The following TUSC3 variants were observed in gnomAD, a reference collection of about 807,000 sequenced individuals.
The protein encoded by TUSC3 is dolichyl-diphosphooligosaccharide--protein glycosyltransferase subunit TUSC3.
Under a neutral mutation model 44.8 loss-of-function variants are expected in TUSC3, and 45 were observed. The ratio of observed to expected loss-of-function variants is 1.00; its 90% CI spans 0.79 to 1.29. The LOEUF is 1.29. Ranked by LOEUF, TUSC3 falls within the 50% of genes most tolerant of loss-of-function variation. TUSC3 has a pLI of 0.00. For missense variants in TUSC3, 519 were observed against 437.9 expected (o/e 1.19, Z -1.65); for synonymous variants, 212 against 152.9 (o/e 1.39, Z -2.85).
At chr8:15,678,576 GA>G (rs1470679702) in intron 6 of TUSC3, among the ~76,000 whole-genome samples, 1 of 152,100 alleles carries the variant, frequency 6.6e-6, no homozygotes, top group Non-Finnish European at 1.5e-5. Context: ...GAATAAAGTA[GA>G]AAAATGTACG....
chr8:15,841,867 T>G, the TUSC3 span, among the ~76,000 whole-genome samples: 1 of 152,194 alleles, frequency 6.6e-6, no homozygotes, highest in African/African-American at 2.4e-5. Flanking sequence ...TTCACTCCAT[T>G]TAGAATGAAT....
intron 6 of TUSC3, among the ~76,000 whole-genome samples, chr8:15,706,669 C>T (rs192823371): frequency 8.3e-4 from 126 of 151,990 alleles, no homozygotes; most frequent in African/African-American, 2.4e-3. Flanking sequence ...TGTTAATATA[C>T]GAATAAATAT....
intron 1 of TUSC3, among the ~76,000 whole-genome samples, chr8:15,573,324 C>A (rs1181334090): frequency 6.6e-6 from 1 of 150,430 alleles, no homozygotes; most frequent in African/African-American, 2.5e-5. Context: ...GCCTTCCAAT[C>A]CACATCCAGG....
chr8:15,604,985 T>TA (rs1322320603), intron 1 of TUSC3, among the ~76,000 whole-genome samples: 1 of 151,898 alleles, frequency 6.6e-6, no homozygotes, highest in Non-Finnish European at 1.5e-5. Flanking sequence ...AAGAGATACA[T>TA]AAAACTCTGG....
chr8:15,561,054 C>T (rs1345935034), intron 1 of TUSC3, among the ~76,000 whole-genome samples: 3 of 132,736 alleles, frequency 2.3e-5, no homozygotes, highest in Non-Finnish European at 3.2e-5. Context: ...TGAGGAACTG[C>T]GTTCCTTTGG....
At chr8:15,684,432 C>T (rs944221534) in intron 6 of TUSC3, among the ~76,000 whole-genome samples, 3 of 152,128 alleles carry the variant, frequency 2.0e-5, no homozygotes, top group African/African-American at 7.2e-5. Context: ...AGCCTGGCAG[C>T]CCAAGAGGCT....
At chr8:15,423,969 G>GTTTTTTTTTTTT (rs112397215) in intron 1 of TUSC3, among the ~76,000 whole-genome samples, 15 of 70,392 alleles carry the variant, frequency 2.1e-4, no homozygotes, top group East Asian at 5.5e-4. Context: ...GTTTTGCTTT[G>GTTTTTTTTTTTT]TTTTTTTTTT....
At chr8:15,796,246 C>T in the TUSC3 span, among the ~76,000 whole-genome samples, 1 of 152,234 alleles carries the variant, frequency 6.6e-6, no homozygotes, top group South Asian at 2.1e-4. Context: ...CTGCTTACTT[C>T]CAGCTGGTCT....
intron 1 of TUSC3, among the ~76,000 whole-genome samples, chr8:15,555,995 T>G (rs1206283541): frequency 6.6e-6 from 1 of 150,946 alleles, no homozygotes; most frequent in Non-Finnish European, 1.5e-5. Flanking sequence ...TATTTTTTAT[T>G]TTTTTATTTT....
At chr8:15,716,486 T>C (rs1268717594) in intron 6 of TUSC3, among the ~76,000 whole-genome samples, 1 of 152,122 alleles carries the variant, frequency 6.6e-6, no homozygotes, top group Non-Finnish European at 1.5e-5. Context: ...TGGAAGTATA[T>C]TTGATAAAAC....
At chr8:15,527,432 G>T (rs1400010006) in intron 2 of TUSC3, among the ~76,000 whole-genome samples, 2 of 152,124 alleles carry the variant, frequency 1.3e-5, no homozygotes, top group African/African-American at 4.8e-5. Flanking sequence ...GTCCAGGCTG[G>T]TCTCAAACTC....
chr8:15,534,597 C>T (rs1050169928), intron 2 of TUSC3, among the ~76,000 whole-genome samples: 5 of 149,144 alleles, frequency 3.4e-5, no homozygotes, highest in Non-Finnish European at 5.9e-5. Context: ...TGGCCGAGAT[C>T]GCGCCACTGC....
At chr8:15,833,309 C>G in the TUSC3 span, among the ~76,000 whole-genome samples, 1 of 152,158 alleles carries the variant, frequency 6.6e-6, no homozygotes, top group South Asian at 2.1e-4. Flanking sequence ...GGCAATTCCT[C>G]AAAGACCTAA....
intron 7 of TUSC3, among the ~76,000 whole-genome samples, chr8:15,739,721 TTTATTC>T (rs1254573039): frequency 6.6e-6 from 1 of 152,228 alleles, no homozygotes; most frequent in Non-Finnish European, 1.5e-5. Context: ...GAAGAAGATT[TTTATTC>T]TTAGCCTAAA....
chr8:15,831,273 T>A, the TUSC3 span, among the ~76,000 whole-genome samples: 2 of 151,868 alleles, frequency 1.3e-5, no homozygotes, highest in African/African-American at 4.8e-5. Flanking sequence ...GGTCAACAAA[T>A]AGGATAAAAG....
At chr8:15,680,639 G>C (rs906565002) in intron 6 of TUSC3, among the ~76,000 whole-genome samples, 4 of 152,104 alleles carry the variant, frequency 2.6e-5, no homozygotes, top group Non-Finnish European at 5.9e-5. Context: ...AATAGTAGTA[G>C]AGAGTGGACA....
chr8:15,836,574 G>A, the TUSC3 span, among the ~76,000 whole-genome samples: 4,077 of 151,644 alleles, frequency 0.027, 140 homozygotes, highest in East Asian at 0.082. Flanking sequence ...GTCTAAATAC[G>A]TTCTTTAAAA....
chr8:15,765,566 C>T lies in TUSC3; in HGVS notation c.*1410C>T, dbSNP rs1812304727. ...GGGGCATGTTTATCAAGTTATATCC[C>T]AGGGCAATGTGTATGCTAGCAGGAT... On this transcript the variant is annotated 3_prime_UTR_variant, in exon 11 of 11. Transcript: ENST00000503731. 6.6e-6 allele frequency: 1 copy of T among 151,864 alleles called. No homozygotes were observed. Among genetic ancestry groups the T allele is most frequent in the Non-Finnish European group, 1.5e-5 (1 of 67,912 alleles). 9.4% of individuals were successfully genotyped at this position (151,864 alleles called of 1,614,324 possible). A position where few individuals can be genotyped will look rare whatever the true frequency, so the allele number is the denominator to read the frequency against.
At chr8:15,462,381 T>C (rs1054624910) in intron 1 of TUSC3, among the ~76,000 whole-genome samples, 3 of 152,050 alleles carry the variant, frequency 2.0e-5, no homozygotes, top group Non-Finnish European at 4.4e-5. Context: ...AAAGAATATA[T>C]ACAAATGGCC....
Sources: gnomAD v4.1 joint callset for allele counts (sites outside exome capture counted in the v4.1 genomes callset) on GRCh38, gnomAD v4.1.1 for gene constraint, MANE v1.5 for transcripts, NCBI Gene and HGNC (gene_info 2026-07-23, HGNC 2026-07-21) for gene names.